Variants in GSK3B observed in about 807,000 individuals in gnomAD.
The protein encoded by GSK3B is glycogen synthase kinase-3 beta.
GSK3B carries 15 observed loss-of-function variants against 56.4 expected under a neutral mutation model. The observed-to-expected ratio is 0.27, with a 90% CI of 0.18 to 0.41. GSK3B has a LOEUF of 0.41. Ranked by LOEUF, GSK3B falls within the 10% of genes least tolerant of loss-of-function variation. The pLI is 1.00. For synonymous variants in GSK3B, 181 were observed against 188.9 expected (o/e 0.96, Z 0.34); for missense variants, 300 against 513.4 (o/e 0.58, Z 4.02).
chr3:120,091,148 C>A (rs372124396), intron 1 of GSK3B, among the ~76,000 whole-genome samples: 1 of 152,100 alleles, frequency 6.6e-6, no homozygotes, highest in Non-Finnish European at 1.5e-5. Context: ...GCAGTCATCA[C>A]GCTATTGTTT....
At chr3:120,079,345 CACACA>C (rs1429316574) in intron 1 of GSK3B, among the ~76,000 whole-genome samples, 4 of 106,182 alleles carry the variant, frequency 3.8e-5, no homozygotes, top group Non-Finnish European at 6.0e-5. Context: ...CACACACACA[CACACA>C]TTTTTTTTTT....
At chr3:120,039,735 G>A (rs2058050475) in intron 1 of GSK3B, among the ~76,000 whole-genome samples, 1 of 152,202 alleles carries the variant, frequency 6.6e-6, no homozygotes, top group Non-Finnish European at 1.5e-5. Context: ...CACAGAGGTA[G>A]GGACTATGCA....
chr3:120,083,312 A>G (rs1223161977), intron 1 of GSK3B, among the ~76,000 whole-genome samples: 1 of 152,184 alleles, frequency 6.6e-6, no homozygotes, highest in Non-Finnish European at 1.5e-5. Context: ...CAGCGAAAGA[A>G]GTCAGAGGAT....
At chr3:119,988,289 A>C (rs1026813790) in intron 2 of GSK3B, among the ~76,000 whole-genome samples, 16 of 152,142 alleles carry the variant, frequency 1.1e-4, no homozygotes, top group Non-Finnish European at 2.1e-4. Flanking sequence ...AGTCAAAGAA[A>C]TTTTTCTTTT....
At chr3:119,994,300 G>A (rs1293657408) in intron 2 of GSK3B, among the ~76,000 whole-genome samples, 1 of 151,894 alleles carries the variant, frequency 6.6e-6, no homozygotes, top group Non-Finnish European at 1.5e-5. Flanking sequence ...AATGAGAGAA[G>A]GGAAAAGCTT....
intron 2 of GSK3B, among the ~76,000 whole-genome samples, chr3:119,981,055 T>C (rs533250159): frequency 6.6e-6 from 1 of 152,328 alleles, no homozygotes; most frequent in African/African-American, 2.4e-5. Context: ...AACTCTTAGC[T>C]GGACAACTGG....
chr3:119,949,395 C>A (rs2057132048), intron 2 of GSK3B, among the ~76,000 whole-genome samples: 1 of 152,082 alleles, frequency 6.6e-6, no homozygotes, highest in Admixed American at 6.6e-5. Flanking sequence ...AAGGTAAGAA[C>A]CATGTGAAGA....
intron 4 of GSK3B, among the ~76,000 whole-genome samples, chr3:119,917,099 G>T (rs781207423): frequency 3.3e-5 from 5 of 151,946 alleles, no homozygotes; most frequent in Non-Finnish European, 5.9e-5. Context: ...TTTTTGAAAT[G>T]AGTCAAACCA....
At position 120,002,217 on chromosome 3, in the gene GSK3B, C is replaced by T; in HGVS notation, c.111G>A (p.Val37=). ...KVSRDKDGSK[V]TTVVATPGQG... Reference sequence around the variant, plus strand: ...GCCCAGGAGTTGCCACCACTGTTGTCACCTTGCTGCCGTCCTTGTCTCCTA... The same window carrying T: ...GCCCAGGAGTTGCCACCACTGTTGTTACCTTGCTGCCGTCCTTGTCTCCTA... Residue 37 remains valine (V), a synonymous_variant, in exon 2 of 11, where the codon GTG becomes GTA. Coordinates refer to ENST00000264235, the MANE Select transcript of GSK3B (RefSeq NM_001146156.2). 3 of 1,569,392 alleles carry T rather than the reference C, an allele frequency of 1.9e-6. No homozygotes were observed. The highest frequency in any genetic ancestry group is 2.6e-6 in the Non-Finnish European group (3 of 1,161,710).
chr3:119,927,926 G>T (rs907987330), intron 3 of GSK3B, among the ~76,000 whole-genome samples: 11 of 152,188 alleles, frequency 7.2e-5, no homozygotes, highest in African/African-American at 2.7e-4. Context: ...TTCTATAAGG[G>T]TGAGAGGTGA....
At chr3:120,082,267 T>A (rs981422723) in intron 1 of GSK3B, among the ~76,000 whole-genome samples, 2 of 150,286 alleles carry the variant, frequency 1.3e-5, no homozygotes, top group South Asian at 2.1e-4. Context: ...TACTTAAAAA[T>A]AACAAAAATA....
intron 7 of GSK3B, among the ~76,000 whole-genome samples, chr3:119,889,622 A>AG (rs1351067803): frequency 4.6e-5 from 7 of 152,132 alleles, no homozygotes; most frequent in Non-Finnish European, 8.8e-5. Context: ...GCAGTAAAAG[A>AG]GGGGGAAAAA....
At chr3:119,974,354 A>G (rs1353417986) in intron 2 of GSK3B, among the ~76,000 whole-genome samples, 3 of 152,204 alleles carry the variant, frequency 2.0e-5, no homozygotes, top group South Asian at 2.1e-4. Context: ...CTAAGCATCA[A>G]TGTGATGGTA....
At position 119,826,524 on chromosome 3, in the gene GSK3B, T is replaced by C; in HGVS notation, c.*264A>G. On this transcript the variant is annotated 3_prime_UTR_variant, in exon 11 of 11. Transcript: ENST00000264235. The stretch of plus-strand genomic sequence containing the variant: ...AGATTGTCGTGGGAGAGAGATTGTA[T>C]GTTCTAGTGCTCCGCTTTCCCCCTC... 1 of 575,744 alleles carries C rather than the reference T, an allele frequency of 1.7e-6. No homozygotes were observed. The allele number at this position is 575,744 out of a possible 1,614,324, so 35.7% of individuals were successfully genotyped here.
chr3:120,022,095 G>A (rs772239016), intron 1 of GSK3B, among the ~76,000 whole-genome samples: 13 of 152,170 alleles, frequency 8.5e-5, no homozygotes, highest in African/African-American at 2.4e-4. Context: ...GAAATCTTCC[G>A]TGAAAGGAAG....
chr3:119,967,551 A>C (rs925563053), intron 2 of GSK3B, among the ~76,000 whole-genome samples: 1 of 152,220 alleles, frequency 6.6e-6, no homozygotes, highest in Admixed American at 6.5e-5. Flanking sequence ...GCATAAGGAC[A>C]TATGTTATCA....
intron 3 of GSK3B, among the ~76,000 whole-genome samples, chr3:119,924,144 G>A (rs1218134224): frequency 6.6e-6 from 1 of 152,204 alleles, no homozygotes. Flanking sequence ...CAGGTCCTAT[G>A]CTTAAATATC....
At chr3:120,063,649 A>C (rs990594704) in intron 1 of GSK3B, among the ~76,000 whole-genome samples, 5 of 149,766 alleles carry the variant, frequency 3.3e-5, no homozygotes, top group African/African-American at 1.2e-4. Context: ...AATCGCTTGA[A>C]CCCAGGAGGC....
At position 120,094,098 on chromosome 3, in the gene GSK3B, G is replaced by A. The variant is rs1020045791; in HGVS notation, c.-664C>T. ...TGCGCCAGGAGCAGCTGCAGGCGGC[G>A]GCTGGATCCAGCGGCCATGGCGGTG... On this transcript the variant is annotated 5_prime_UTR_variant, in exon 1 of 11. Transcript: ENST00000264235. 5.2e-5 allele frequency: 12 copies of A among 229,028 alleles called. No homozygotes were observed. Among genetic ancestry groups the A allele is most frequent in the Non-Finnish European group, 8.7e-5 (10 of 115,284 alleles). 14.2% of individuals were successfully genotyped at this position (229,028 alleles called of 1,614,324 possible).
Sources: allele counts gnomAD v4.1 joint callset (sites outside exome capture counted in the v4.1 genomes callset), GRCh38; gene constraint gnomAD v4.1.1; transcripts MANE v1.5; gene names NCBI Gene and HGNC (gene_info 2026-07-23, HGNC 2026-07-21).